ZFP64: variants seen among roughly 807,000 people sequenced by gnomAD.
ZFP64 encodes ZFP64 zinc finger protein.
In ZFP64, 14 loss-of-function variants were observed where a neutral mutation model predicts 51.6. The ratio of observed to expected loss-of-function variants is 0.27; its 90% CI spans 0.18 to 0.42. The LOEUF (loss-of-function observed/expected upper bound fraction) is 0.42, where lower values mean the gene tolerates loss of function less well. ZFP64 is among the 10% of genes least tolerant of loss of function. The probability of loss-of-function intolerance (pLI) is 1.00; values close to 1 mark genes in which losing one functional copy is unlikely to be tolerated. For missense variants in ZFP64, 754 were observed against 906.8 expected (o/e 0.83, Z 2.16); for synonymous variants, 375 against 361.4 (o/e 1.04, Z -0.43).
chr20:52,164,674 C>G (rs536790641), intron 4 of ZFP64, 21 bp downstream of exon 4: 6 of 1,609,178 alleles, frequency 3.7e-6, no homozygotes, highest in Admixed American at 1.7e-5. Context: ...AGGGCATATG[C>G]GCTAAAGAAA....
At chr20:52,095,423 T>C (rs181711146) in intron 7 of ZFP64, among the ~76,000 whole-genome samples, 123 of 150,146 alleles carry the variant, frequency 8.2e-4, no homozygotes, top group Non-Finnish European at 1.4e-3. Flanking sequence ...GCCTGATCAC[T>C]CACACCTGGA....
At chr20:52,175,857 C>CCCCA in intron 2 of ZFP64, 9 of 376,070 alleles carry the variant, frequency 2.4e-5, no homozygotes, top group Non-Finnish European at 3.3e-5. Flanking sequence ...CCCGCACCCC[C>CCCCA]GCTGCCGCCC....
chr20:52,163,791 T>TA (rs1271851880), intron 4 of ZFP64, among the ~76,000 whole-genome samples: 4 of 151,984 alleles, frequency 2.6e-5, no homozygotes, highest in African/African-American at 7.2e-5. Context: ...TAACACTTGT[T>TA]AAAAAAAAGT....
downstream of ZFP64, among the ~76,000 whole-genome samples, chr20:52,150,776 C>T (rs940149154): frequency 2.0e-5 from 3 of 152,196 alleles, no homozygotes; most frequent in African/African-American, 7.2e-5. Context: ...GAAATGAGTG[C>T]TATTACAACC....
rs71192597 is a variant in ZFP64 at position 52,136,096 on chromosome 20, CAAAAAAA to C, written c.763+24020_763+24026del. On this transcript the variant is annotated intron_variant, in intron 5 of 8. Transcript: ENST00000361387. ...CCTAGGCGATGGAGGGAGACTCTCT[CAAAAAAA>C]AAAAAAAAAAAAAAAAAGAAAAAAC... 2.9e-4 allele frequency among the ~76,000 whole-genome samples: 11 copies of C among 38,034 alleles called. No individual in the cohort carries two copies. The South Asian group carries it at 5.3e-3, about 18-fold the overall frequency. 25.0% of individuals were successfully genotyped at this position (38,034 alleles called of 152,430 possible).
downstream of ZFP64, among the ~76,000 whole-genome samples, chr20:52,146,307 T>C (rs1600750956): frequency 6.6e-6 from 1 of 152,104 alleles, no homozygotes; most frequent in African/African-American, 2.4e-5. Context: ...CTATTCATAA[T>C]AGCAAAGACT....
chr20:52,155,831 T>C (rs1981273405), intron 5 of ZFP64, among the ~76,000 whole-genome samples: 2 of 152,204 alleles, frequency 1.3e-5, no homozygotes, highest in South Asian at 4.1e-4. Context: ...ATATTTAAGC[T>C]GACAGGTCCT....
At chr20:52,138,038 T>A (rs1568671703) in intron 5 of ZFP64, among the ~76,000 whole-genome samples, 1 of 121,990 alleles carries the variant, frequency 8.2e-6, no homozygotes, top group Non-Finnish European at 1.8e-5. Flanking sequence ...AATAAATAAA[T>A]AAATAAATAA....
Position 52,153,019 on chromosome 20 carries a change from C to A in ZFP64, c.1173G>T (p.Lys391Asn), listed in dbSNP as rs1460373277. 2 of 1,613,964 alleles carry A rather than the reference C, an allele frequency of 1.2e-6. No homozygotes were observed. Among genetic ancestry groups the A allele is most frequent in the African/African-American group, 1.3e-5 (1 of 74,950 alleles). The change falls in exon 6 of 6, where the codon AAG becomes AAT. Residue 391 changes from lysine (K) to asparagine (N), a missense_variant. Lys to Asn is a moderately conservative substitution (Grantham distance 94, BLOSUM62 0). Transcript: ENST00000216923. This position sits in a 1 kb window ranked among gnomAD's most constrained non-coding sequence, Gnocchi z 5.1. ...TCTTAACCATGTCCCCATGGAACTTCTTCATGTGCTTGCTCAGGTTGCTGG... is the reference window on the plus strand; with the variant it reads ...TCTTAACCATGTCCCCATGGAACTTATTCATGTGCTTGCTCAGGTTGCTGG... The part of the protein sequence containing the change: ...KQPSNLSKHM[K>N]KFHGDMVKTE...
intron 2 of ZFP64, among the ~76,000 whole-genome samples, chr20:52,183,197 T>G (rs958347646): frequency 6.6e-6 from 1 of 152,070 alleles, no homozygotes; most frequent in Non-Finnish European, 1.5e-5. Flanking sequence ...TTGTGAAGAT[T>G]GTCATGAAAC....
intron 7 of ZFP64, among the ~76,000 whole-genome samples, chr20:52,096,224 G>A (rs953789956): frequency 5.3e-5 from 8 of 152,150 alleles, no homozygotes; most frequent in Non-Finnish European, 7.3e-5. Flanking sequence ...CTTGGTACTC[G>A]GTGTGGCCAT....
chr20:52,122,603 T>C (rs1352980339), intron 5 of ZFP64, among the ~76,000 whole-genome samples: 3 of 152,118 alleles, frequency 2.0e-5, no homozygotes, highest in African/African-American at 4.8e-5. Context: ...AACAACCTTC[T>C]GGAGAGGATT....
Position 52,098,830 on chromosome 20 carries a change from T to C in ZFP64, c.764-243A>G, listed in dbSNP as rs555302589. Among the ~76,000 whole-genome samples the C allele has an allele frequency of 4.6e-5, 7 of 151,818 alleles. No individual in the cohort carries two copies. The South Asian group carries it at 6.3e-4, about 14-fold the overall frequency. On this transcript the variant is annotated intron_variant, in intron 5 of 8. Transcript: ENST00000361387. ...CAGCCTGGCCAATATGGTGAAACCC[T>C]GTCTCTACTAAAAATACAAGAATCA...
rs192184443 is a variant in ZFP64, at chr20:52,109,589, G to A, written c.764-11002C>T. On this transcript the variant is annotated intron_variant, in intron 5 of 8. Transcript: ENST00000361387. ...AGGTCAGGAGTTCGAGACCAGCTTC[G>A]CCAACATGTTGAAACCCCATCTCTA... 3.0e-3 allele frequency among the ~76,000 whole-genome samples: 457 copies of A among 151,984 alleles called. 2 individuals carry two copies. The highest frequency in any genetic ancestry group is 0.011 in the African/African-American group (444 of 41,504).
At chr20:52,106,170 G>A (rs1428722692) in intron 5 of ZFP64, among the ~76,000 whole-genome samples, 1 of 152,196 alleles carries the variant, frequency 6.6e-6, no homozygotes, top group African/African-American at 2.4e-5. Flanking sequence ...CCCAGCAGGT[G>A]ACGGAGGCGT....
chr20:52,188,970 C>A (rs990907709), intron 1 of ZFP64, among the ~76,000 whole-genome samples: 4 of 151,060 alleles, frequency 2.6e-5, no homozygotes, highest in Admixed American at 2.6e-4. Context: ...AGCGAGACTC[C>A]GTCTCACATA....
At chr20:52,122,890 C>T (rs1219559702) in intron 5 of ZFP64, among the ~76,000 whole-genome samples, 1 of 152,186 alleles carries the variant, frequency 6.6e-6, no homozygotes, top group Non-Finnish European at 1.5e-5. Flanking sequence ...ATGAAATCTA[C>T]TCATGGTGAA....
chr20:52,138,331 A>C (rs1282624288), intron 5 of ZFP64, among the ~76,000 whole-genome samples: 1 of 152,158 alleles, frequency 6.6e-6, no homozygotes, highest in East Asian at 1.9e-4. Flanking sequence ...ATAAATAGCA[A>C]ATATTAAATA....
rs1380987775 is a variant in ZFP64, at chr20:52,170,153, G to C, written c.287-4128C>G. Among the ~76,000 whole-genome samples, 3 of 151,446 alleles carry C rather than the reference G, an allele frequency of 2.0e-5. No homozygotes were observed. In the East Asian group the frequency reaches 5.9e-4, roughly 30 times the overall value. The stretch of plus-strand genomic sequence containing the variant: ...CAGCAGGAAGCATCATGAGTGGGCA[G>C]GTTAAACACAGCAAAGGGCCGGGCG... On this transcript the variant is annotated intron_variant, in intron 2 of 5. Transcript: ENST00000216923.
Sources: allele counts gnomAD v4.1 joint callset (sites outside exome capture counted in the v4.1 genomes callset), GRCh38; gene constraint gnomAD v4.1.1; non-coding constraint Gnocchi (gnomAD v3.1); transcripts MANE v1.5; gene names NCBI Gene and HGNC (gene_info 2026-07-23, HGNC 2026-07-21).